Variants in FASN observed in about 807,000 individuals in gnomAD.
The protein encoded by FASN is fatty acid synthase.
A neutral mutation model predicts 250.0 loss-of-function variants in FASN; 50 were observed. The ratio of observed to expected loss-of-function variants is 0.20; its 90% CI spans 0.16 to 0.25. The LOEUF is 0.25. Among genes scored for constraint, FASN ranks in the 10% least tolerant of loss-of-function variants. FASN has a pLI of 1.00. For synonymous variants in FASN, 1,909 were observed against 1,584.0 expected, an observed-to-expected ratio of 1.21 and a Z score of -4.87; for missense variants, 3,031 against 3,498.5, an observed-to-expected ratio of 0.87 and a Z score of 3.37.
intron 37 of FASN, 81 bp from the exon 38 acceptor site, chr17:82,081,433 G>T: frequency 6.4e-7 from 1 of 1,564,666 alleles, no homozygotes; most frequent in Non-Finnish European, 8.6e-7. Context: ...ACCCAGGGGT[G>T]CGTGGGCTGT....
At chr17:82,095,173 T>G (rs2034282992) in intron 3 of FASN, 147 bp downstream of exon 3, 3 of 989,242 alleles carry the variant, frequency 3.0e-6, no homozygotes, top group South Asian at 1.3e-5. Context: ...CACACCTCCC[T>G]GAGCCCGTTG....
At chr17:82,084,744 G>T (rs1465565687) in intron 26 of FASN, 28 bp from the exon 27 acceptor site, 4 of 1,550,832 alleles carry the variant, frequency 2.6e-6, no homozygotes, top group Non-Finnish European at 3.5e-6. Flanking sequence ...TGGGGCTGCT[G>T]CGGGGCCTTC....
rs2034186047 is a variant in FASN, at chr17:82,090,532, C to T, written c.1713G>A (p.Gly571=). 1 of 1,611,980 alleles carries T rather than the reference C, an allele frequency of 6.2e-7. No individual in the cohort carries two copies. The highest frequency in any genetic ancestry group is 8.5e-7 in the Non-Finnish European group (1 of 1,179,636). Residue 571 remains glycine, a synonymous_variant, in exon 11 of 43, where the codon GGG becomes GGA. Transcript: ENST00000306749. ...IGLIDLLSCM[G]LRPDGIVGHS... is the part of the protein sequence containing the mutation. ...GGCCGACGATGCCATCTGGCCTCAG[C>T]CCCATGCAGCTCAGCAGGTCTATGA...
At chr17:82,085,956 G>T in intron 22 of FASN, 85 bp from the exon 23 acceptor site, 1 of 1,419,210 alleles carries the variant, frequency 7.0e-7, no homozygotes, top group Non-Finnish European at 9.3e-7. Flanking sequence ...TGAGGCCTCA[G>T]TCTGGCAGAA....
At chr17:82,086,580 C>T (rs1303576823) in intron 21 of FASN, 22 bp from the exon 22 acceptor site, 21 of 1,579,434 alleles carry the variant, frequency 1.3e-5, no homozygotes, top group Non-Finnish European at 1.6e-5. Context: ...GGGAGGCAGG[C>T]CTGGTGTTCC....
Position 82,079,589 on chromosome 17 carries a change from G to A in FASN, c.7166C>T (p.Pro2389Leu), listed in dbSNP as rs759642926. ...CACACGCTCCTCTAGGCCCTTCAGCGGCAGCAGCGCCTCCAGCACCTGTGG... is the reference window on the plus strand; with the variant it reads ...CACACGCTCCTCTAGGCCCTTCAGCAGCAGCAGCGCCTCCAGCACCTGTGG... ...EHNRVLEALL[P>L]LKGLEERVAA... is the part of the protein sequence containing the mutation. Residue 2389 changes from proline to leucine, a missense_variant, in exon 42 of 43, where the codon CCG (proline) becomes CTG (leucine). By Grantham distance (98) the Pro-to-Leu change is moderately conservative. Coordinates refer to ENST00000306749, the MANE Select transcript of FASN (RefSeq NM_004104.5). The A allele has an allele frequency of 5.6e-6, 9 of 1,601,360 alleles. No individual in the cohort carries two copies. The highest frequency in any genetic ancestry group is 1.7e-4 in the Middle Eastern group (1 of 6,058).
rs367799061 is a variant in FASN at position 82,084,395 on chromosome 17, C to T, written c.4769-11G>A. ...GGGAGGTCCACTTCCCTGGGGGAGACGGCACTGAGCCCCTCACCGCCTGCC... is the reference window on the plus strand; with the variant it reads ...GGGAGGTCCACTTCCCTGGGGGAGATGGCACTGAGCCCCTCACCGCCTGCC... On this transcript the variant is annotated splice_polypyrimidine_tract_variant and intron_variant, in intron 27 of 42. Coordinates refer to ENST00000306749, the MANE Select transcript of FASN (RefSeq NM_004104.5). The T allele has an allele frequency of 6.1e-4, 970 of 1,602,062 alleles. 1 individual carries two copies. The highest frequency in any genetic ancestry group is 7.6e-4 in the Non-Finnish European group (892 of 1,175,112).
chr17:82,091,199 T>C, intron 9 of FASN, 23 bp downstream of exon 9: 2 of 1,601,548 alleles, frequency 1.2e-6, no homozygotes, highest in South Asian at 2.2e-5. Context: ...AGGGACCACC[T>C]TGGGGGCAGA....
intron 10 of FASN, 89 bp from the exon 11 acceptor site, chr17:82,090,653 C>A (rs1383518473): frequency 7.8e-7 from 1 of 1,284,508 alleles, no homozygotes; most frequent in South Asian, 1.3e-5. Context: ...CATCTCCACC[C>A]CCGCGCCCCA....
intron 19 of FASN, 53 bp from the exon 20 acceptor site, chr17:82,087,557 C>T (rs2034127790): frequency 1.2e-6 from 2 of 1,606,234 alleles, no homozygotes; most frequent in South Asian, 2.2e-5. Flanking sequence ...CTGGGGCCAC[C>T]TCCCAGAGCC....
rs779839896 is a variant in FASN at position 82,079,130 on chromosome 17, C to T, written c.*13G>A. 1.7e-5 allele frequency: 27 copies of T among 1,607,840 alleles called. No individual in the cohort carries two copies. Among genetic ancestry groups the T allele is most frequent in the African/African-American group, 2.7e-5 (2 of 74,868 alleles). On this transcript the variant is annotated 3_prime_UTR_variant, in exon 43 of 43. Coordinates refer to ENST00000306749, the MANE Select transcript of FASN (RefSeq NM_004104.5). ...TGGTGGAGTGACCTCCGGTGGCAGG[C>T]GGGGGCACGGGCCTAGCCCTCCCGC... is the stretch of plus-strand genomic sequence containing the variant.
intron 3 of FASN, 122 bp downstream of exon 3, chr17:82,095,198 A>C: frequency 4.8e-6 from 6 of 1,245,202 alleles, no homozygotes; most frequent in Non-Finnish European, 7.0e-6. Flanking sequence ...GGCCAGGGGC[A>C]CAGCCGGGGA....
chr17:82,080,206 C>T lies in FASN; in HGVS notation c.7080G>A (p.Glu2360=), dbSNP rs2033962261. The T allele has an allele frequency of 1.2e-6, 2 of 1,613,128 alleles. No individual in the cohort carries two copies. Among genetic ancestry groups the T allele is most frequent in the Non-Finnish European group, 1.7e-6 (2 of 1,180,034 alleles). The change falls in exon 41 of 43, where the codon GAG becomes GAA. Residue 2360 remains glutamate, a synonymous_variant. Coordinates refer to ENST00000306749, the MANE Select transcript of FASN (RefSeq NM_004104.5). ...ATATGGCCTCCGTCTCAGCCTCAGC[C>T]TCACAGCCTGGGGTCAGCTTTGCCC... is the stretch of plus-strand genomic sequence containing the variant. ...SYRAKLTPGC[E]AEAETEAICF... is the part of the protein sequence containing the mutation.
intron 40 of FASN, 46 bp from the exon 41 acceptor site, chr17:82,080,284 T>G: frequency 2.5e-6 from 4 of 1,611,328 alleles, no homozygotes; most frequent in Non-Finnish European, 3.4e-6. Flanking sequence ...GGGCGGGGCC[T>G]CCTAAGCGAC....
intron 8 of FASN, among the ~76,000 whole-genome samples, chr17:82,091,996 C>T (rs1033286109): frequency 1.3e-5 from 2 of 152,222 alleles, no homozygotes; most frequent in Admixed American, 1.3e-4. Context: ...ATCTCAGAGG[C>T]TGCAGAAGTT....
rs922699906 is a variant in FASN, at chr17:82,087,785, C to A, written c.2943G>T (p.Glu981Asp). 1.2e-6 allele frequency: 2 copies of A among 1,612,624 alleles called. No individual in the cohort carries two copies. The highest frequency in any genetic ancestry group is 1.1e-5 in the South Asian group (1 of 91,082). The change falls in exon 19 of 43, where the codon GAG (glutamate) becomes GAT (aspartate). Residue 981 changes from glutamate to aspartate, a missense_variant. By Grantham distance (45) the Glu-to-Asp change is conservative. Transcript: ENST00000306749. ...HPESPTPNPT[E>D]PLFLAQAEVY... is the part of the protein sequence containing the mutation. ...CTTCAGCCTGGGCCAGGAAGAGGGG[C>A]TCCGTGGGGTTGGGGGTGGGGCTTT... is the stretch of plus-strand genomic sequence containing the variant.
chr17:82,093,566 C>T (rs374479883), intron 4 of FASN, 32 bp downstream of exon 4: 5 of 1,612,416 alleles, frequency 3.1e-6, no homozygotes, highest in Non-Finnish European at 3.4e-6. Flanking sequence ...CTGAAGGCCA[C>T]CCACCTCCGC....
At position 82,080,792 on chromosome 17, in the gene FASN, C is replaced by T. The variant is rs750578532; in HGVS notation, c.6726G>A (p.Arg2242=). ...MRLNSVQSSE[R]PLFLVHPIEG... ...CGATTGGGTGCACCAGGAACAGGGG[C>T]CGCTCCGAGCTCTGCACGGAGTTGA... is the stretch of plus-strand genomic sequence containing the variant. The change falls in exon 39 of 43, where the codon CGG becomes CGA. Residue 2242 remains arginine, a synonymous_variant. Transcript: ENST00000306749. 6.2e-7 allele frequency: 1 copy of T among 1,605,554 alleles called. No individual in the cohort carries two copies. The highest frequency in any genetic ancestry group is 1.7e-5 in the Admixed American group (1 of 58,682).
intron 3 of FASN, among the ~76,000 whole-genome samples, 155 bp downstream of exon 3, chr17:82,095,165 C>T (rs1234203882): frequency 6.6e-6 from 1 of 152,244 alleles, no homozygotes; most frequent in Non-Finnish European, 1.5e-5. Context: ...CCGTGGCCCA[C>T]ACCTCCCTGA....
Sources: gnomAD v4.1 joint callset for allele counts (sites outside exome capture counted in the v4.1 genomes callset) on GRCh38, gnomAD v4.1.1 for gene constraint, MANE v1.5 for transcripts, NCBI Gene and HGNC (gene_info 2026-07-23, HGNC 2026-07-21) for gene names.